The following ARHGEF10L variants were observed in gnomAD, a reference collection of about 807,000 sequenced individuals.
ARHGEF10L encodes rho guanine nucleotide exchange factor 10-like protein.
ARHGEF10L carries 69 observed loss-of-function variants against 141.2 expected under a neutral mutation model. The observed-to-expected ratio is 0.49, with a 90% CI of 0.40 to 0.60. The LOEUF (loss-of-function observed/expected upper bound fraction) is 0.60, where lower values mean the gene tolerates loss of function less well. ARHGEF10L is among the 20% of genes least tolerant of loss of function. The pLI is 0.00. For missense variants in ARHGEF10L, 1,482 were observed against 1,734.3 expected (o/e 0.85, Z 2.58); for synonymous variants, 711 against 718.5 (o/e 0.99, Z 0.17).
Position 17,627,248 on chromosome 1 carries a change from G to A in ARHGEF10L, c.1411-82G>A, listed in dbSNP as rs535599779. On this transcript the variant is annotated intron_variant, in intron 14 of 28. Coordinates refer to ENST00000361221, the MANE Select transcript of ARHGEF10L (RefSeq NM_018125.4). The surrounding 1 kb of genome is among the most constrained non-coding windows in gnomAD (Gnocchi z 4.0). The stretch of plus-strand genomic sequence containing the variant: ...TTTGCAGACCCAGTGTGTGTAGGGG[G>A]TTGCGCAGGGTGAGGCTTTGCCCCA... The A allele has an allele frequency of 7.2e-6, 11 of 1,535,494 alleles. No homozygotes were observed. In the South Asian group the frequency reaches 1.1e-4, roughly 15 times the overall value.
chr1:17,655,826 C>A, intron 23 of ARHGEF10L, 53 bp from the exon 24 acceptor site: 1 of 1,505,348 alleles, frequency 6.6e-7, no homozygotes, highest in Non-Finnish European at 9.0e-7. Flanking sequence ...AGGTCCTCCT[C>A]TGCTCCCTCC....
At chr1:17,630,547 C>T (rs1003530531) in intron 15 of ARHGEF10L, among the ~76,000 whole-genome samples, 2 of 152,202 alleles carry the variant, frequency 1.3e-5, no homozygotes, top group African/African-American at 2.4e-5. Context: ...ATGTTAGGAG[C>T]GGTGGGGCCT....
At chr1:17,589,522 G>T (rs760336262) in intron 4 of ARHGEF10L, among the ~76,000 whole-genome samples, 1 of 152,232 alleles carries the variant, frequency 6.6e-6, no homozygotes, top group African/African-American at 2.4e-5. Flanking sequence ...GTCACCCAAC[G>T]GGAGGTTTCA....
chr1:17,519,697 T>G, the ARHGEF10L span, among the ~76,000 whole-genome samples: 1 of 151,658 alleles, frequency 6.6e-6, no homozygotes, highest in Non-Finnish European at 1.5e-5. Flanking sequence ...TAGCTGGGCA[T>G]GGTGGTGGGT....
the ARHGEF10L span, among the ~76,000 whole-genome samples, chr1:17,514,621 A>G: frequency 3.9e-5 from 6 of 152,124 alleles, no homozygotes; most frequent in South Asian, 1.2e-3. Context: ...GAATTGGGAC[A>G]CCCCTTTATG....
chr1:17,624,901 T>G (rs2060298512), intron 13 of ARHGEF10L, among the ~76,000 whole-genome samples: 1 of 152,198 alleles, frequency 6.6e-6, no homozygotes, highest in African/African-American at 2.4e-5. Context: ...TAGGGGTATC[T>G]TGGGCATTGC....
At chr1:17,584,295 C>T (rs1417871831) in intron 2 of ARHGEF10L, among the ~76,000 whole-genome samples, 2 of 152,054 alleles carry the variant, frequency 1.3e-5, no homozygotes, top group African/African-American at 2.4e-5. Flanking sequence ...TCCTCCTGCC[C>T]CAGGCTCCCA....
At chr1:17,546,067 A>G (rs1446727438) in intron 1 of ARHGEF10L, among the ~76,000 whole-genome samples, 1 of 152,226 alleles carries the variant, frequency 6.6e-6, no homozygotes, top group East Asian at 1.9e-4. Flanking sequence ...CAGGAGGCAC[A>G]GCATCATCTG....
At chr1:17,680,415 T>C (rs2064029732) in intron 26 of ARHGEF10L, among the ~76,000 whole-genome samples, 1 of 152,184 alleles carries the variant, frequency 6.6e-6, no homozygotes. Flanking sequence ...CACATAAATA[T>C]TGTAGGACTG....
intron 1 of ARHGEF10L, among the ~76,000 whole-genome samples, chr1:17,563,392 G>A (rs1397078408): frequency 2.6e-5 from 4 of 152,082 alleles, no homozygotes; most frequent in African/African-American, 7.2e-5. Context: ...GTACCACCAT[G>A]CCTGGCTAAT....
At chr1:17,657,921 C>T (rs1010176981) in intron 25 of ARHGEF10L, among the ~76,000 whole-genome samples, 1 of 152,188 alleles carries the variant, frequency 6.6e-6, no homozygotes, top group South Asian at 2.1e-4. Flanking sequence ...AGTTTGGGCA[C>T]CTGGGTTGGA....
At chr1:17,693,528 T>C (rs904647405) in intron 27 of ARHGEF10L, among the ~76,000 whole-genome samples, 4 of 152,014 alleles carry the variant, frequency 2.6e-5, no homozygotes, top group Non-Finnish European at 5.9e-5. Context: ...ATGTATGGAG[T>C]TGAAGTGTCA....
At position 17,623,669 on chromosome 1, in the gene ARHGEF10L, C is replaced by T. The variant is rs1031493140; in HGVS notation, c.1200+494C>T. 6.6e-6 allele frequency among the ~76,000 whole-genome samples: 1 copy of T among 152,198 alleles called. No homozygotes were observed. The highest frequency in any genetic ancestry group is 6.5e-5 in the Admixed American group (1 of 15,284). On this transcript the variant is annotated intron_variant, in intron 12 of 28. Coordinates refer to ENST00000361221, the MANE Select transcript of ARHGEF10L (RefSeq NM_018125.4). The surrounding 1 kb of genome is among the most constrained non-coding windows in gnomAD (Gnocchi z 4.7). ...GCAGGTCCAGGGCCCACTCTGAGCC[C>T]AGGCTTGCCATCTGTGGAATGAGGG...
intron 26 of ARHGEF10L, among the ~76,000 whole-genome samples, chr1:17,665,478 G>A (rs2062917035): frequency 6.6e-6 from 1 of 152,154 alleles, no homozygotes; most frequent in Admixed American, 6.5e-5. Flanking sequence ...CTCTGAGACT[G>A]GGGGCTGAGT....
chr1:17,554,623 T>C (rs2077238713), intron 1 of ARHGEF10L, among the ~76,000 whole-genome samples: 1 of 147,134 alleles, frequency 6.8e-6, no homozygotes, highest in African/African-American at 2.5e-5. Flanking sequence ...TCTTGCTCTG[T>C]CGCCCAGGCT....
intron 26 of ARHGEF10L, among the ~76,000 whole-genome samples, chr1:17,678,850 T>C (rs1026710031): frequency 6.6e-6 from 1 of 152,242 alleles, no homozygotes; most frequent in African/African-American, 2.4e-5. Context: ...TGTGTCCACC[T>C]TCTTGTGTGC....
At chr1:17,566,386 A>G (rs766960453) in intron 1 of ARHGEF10L, among the ~76,000 whole-genome samples, 1 of 152,248 alleles carries the variant, frequency 6.6e-6, no homozygotes, top group Non-Finnish European at 1.5e-5. Flanking sequence ...GGCCTCCCAT[A>G]GATCTGTAAA....
chr1:17,695,215 G>C lies in ARHGEF10L; in HGVS notation c.3242G>C (p.Gly1081Ala). 6.2e-7 allele frequency: 1 copy of C among 1,612,276 alleles called. No individual in the cohort carries two copies. Among genetic ancestry groups the C allele is most frequent in the Non-Finnish European group, 8.5e-7 (1 of 1,179,602 alleles). ...LLICQGLLWV[G>A]TDQGVIVLLP... Reference sequence around the variant, plus strand: ...ATCTGCCAGGGTCTGCTCTGGGTGGGCACTGACCAGGGTGTCATCGTCCTG... The same window carrying C: ...ATCTGCCAGGGTCTGCTCTGGGTGGCCACTGACCAGGGTGTCATCGTCCTG... The change falls in exon 28 of 29, where the codon GGC becomes GCC. Residue 1081 changes from glycine to alanine, a missense_variant. Coordinates refer to ENST00000361221, the MANE Select transcript of ARHGEF10L (RefSeq NM_018125.4).
chr1:17,618,262 A>ACCCCCCCCCCAAACCCC, intron 9 of ARHGEF10L: 2 of 684,248 alleles, frequency 2.9e-6, no homozygotes, highest in Non-Finnish European at 4.3e-6. Flanking sequence ...AGCCCTCCCC[A>ACCCCCCCCCCAAACCCC]CCCCGCCCAC....
Sources: gnomAD v4.1 joint callset for allele counts (sites outside exome capture counted in the v4.1 genomes callset) on GRCh38, gnomAD v4.1.1 for gene constraint, Gnocchi (gnomAD v3.1) non-coding constraint, MANE v1.5 for transcripts, NCBI Gene and HGNC (gene_info 2026-07-23, HGNC 2026-07-21) for gene names.